TMPRSS9: variants seen among roughly 807,000 people sequenced by gnomAD.
TMPRSS9 encodes transmembrane protease serine 9.
TMPRSS9 carries 113 observed loss-of-function variants against 111.4 expected under a neutral mutation model. The ratio of observed to expected loss-of-function variants is 1.01; its 90% CI spans 0.87 to 1.19. The LOEUF (loss-of-function observed/expected upper bound fraction) is 1.19, where lower values mean the gene tolerates loss of function less well. TMPRSS9 is among the 50% of genes most tolerant of loss of function. The probability of loss-of-function intolerance (pLI) is 0.00; values close to 1 mark genes in which losing one functional copy is unlikely to be tolerated. For missense variants in TMPRSS9, 1,803 were observed against 1,513.1 expected (o/e 1.19, Z -3.18); for synonymous variants, 805 against 659.1 (o/e 1.22, Z -3.39).
chr19:2,421,716 G>C (rs1801811328), intron 13 of TMPRSS9, 138 bp from the exon 15 acceptor site: 6 of 831,374 alleles, frequency 7.2e-6, no homozygotes, highest in Admixed American at 2.9e-5. Context: ...GCTGCAGTCA[G>C]GTCTCCAGAC....
At chr19:2,404,003 AAAAAAAG>A (rs1274636056) in intron 6 of TMPRSS9, among the ~76,000 whole-genome samples, 1 of 150,656 alleles carries the variant, frequency 6.6e-6, no homozygotes, top group Non-Finnish European at 1.5e-5. Context: ...AAAAAAAAAA[AAAAAAAG>A]AAAAAAAAAT....
chr19:2,361,062 A>G (rs1231794462), intron 1 of TMPRSS9, among the ~76,000 whole-genome samples: 1 of 146,322 alleles, frequency 6.8e-6, no homozygotes, highest in Non-Finnish European at 1.5e-5. Flanking sequence ...CTTCACCTAA[A>G]GCAAGAACCA....
intron 1 of TMPRSS9, among the ~76,000 whole-genome samples, chr19:2,375,743 G>T (rs1323754458): frequency 6.6e-6 from 1 of 152,198 alleles, no homozygotes; most frequent in Non-Finnish European, 1.5e-5. Context: ...CACCAGGACA[G>T]CAGGGATGAG....
At chr19:2,406,563 G>C (rs1298072503) in intron 7 of TMPRSS9, among the ~76,000 whole-genome samples, 2 of 146,872 alleles carry the variant, frequency 1.4e-5, no homozygotes, top group African/African-American at 5.0e-5. Context: ...TCGAACTCCT[G>C]TCCTCAGGTG....
At chr19:2,388,822 C>T (rs1381526731), upstream of TMPRSS9, among the ~76,000 whole-genome samples, 1 of 151,826 alleles carries the variant, frequency 6.6e-6, no homozygotes, top group East Asian at 1.9e-4. Context: ...GGGGGTCTCA[C>T]TATATTGCCC....
chr19:2,379,673 C>CTTTCTTTCTT (rs1599278674), intron 1 of TMPRSS9, among the ~76,000 whole-genome samples: 2 of 146,050 alleles, frequency 1.4e-5, no homozygotes, highest in East Asian at 4.0e-4. Context: ...TTCTTTCTTT[C>CTTTCTTTCTT]TTTCTCTTTT....
intron 1 of TMPRSS9, among the ~76,000 whole-genome samples, chr19:2,368,399 C>A (rs906374055): frequency 2.6e-4 from 39 of 151,108 alleles, no homozygotes; most frequent in Non-Finnish European, 5.3e-4. Context: ...GGAGACACAG[C>A]CTGTGCCTTT....
chr19:2,366,781 C>G (rs530125109), intron 1 of TMPRSS9, among the ~76,000 whole-genome samples: 3 of 148,744 alleles, frequency 2.0e-5, no homozygotes, highest in African/African-American at 7.5e-5. Flanking sequence ...GGCGTGAACC[C>G]AGGAGGTGGA....
At chr19:2,396,452 C>T in intron 1 of TMPRSS9, 87 bp from the exon 3 acceptor site, 1 of 1,446,190 alleles carries the variant, frequency 6.9e-7, no homozygotes, top group Non-Finnish European at 9.2e-7. Flanking sequence ...TGTGTGAGTG[C>T]AAACAGGGCG....
chr19:2,416,307 C>A, intron 11 of TMPRSS9: 1 of 577,044 alleles, frequency 1.7e-6, no homozygotes, highest in South Asian at 2.5e-5. Context: ...GAAAATGAAG[C>A]CTGAGGGTCC....
chr19:2,403,721 C>T (rs1043757581), intron 6 of TMPRSS9, among the ~76,000 whole-genome samples: 38 of 151,302 alleles, frequency 2.5e-4, no homozygotes, highest in African/African-American at 7.3e-4. Context: ...TGGCCAGGCA[C>T]GGTGGCTCAC....
intron 1 of TMPRSS9, among the ~76,000 whole-genome samples, chr19:2,378,832 G>A (rs4417647): frequency 0.51 from 77,221 of 152,102 alleles, 21,768 homozygotes; most frequent in African/African-American, 0.75. Context: ...GCGGAAGGAG[G>A]AGCAAACATG....
At chr19:2,415,786 G>A (rs759685309) in exon 11 of TMPRSS9, 37 of 1,608,078 alleles carry the variant, frequency 2.3e-5, no homozygotes, top group Non-Finnish European at 2.5e-5. Context: ...GCACTTCTGC[G>A]GAGCAACTGT....
chr19:2,396,462 G>A (rs948381909), intron 1 of TMPRSS9, 77 bp from the exon 3 acceptor site: 25 of 1,480,898 alleles, frequency 1.7e-5, no homozygotes, highest in African/African-American at 2.8e-5. Context: ...CAAACAGGGC[G>A]GGGCCTGGGT....
At chr19:2,411,807 C>T (rs1316691324) in intron 9 of TMPRSS9, among the ~76,000 whole-genome samples, 2 of 152,190 alleles carry the variant, frequency 1.3e-5, no homozygotes, top group Non-Finnish European at 2.9e-5. Flanking sequence ...CCACCTTGTC[C>T]TCCCAAAGTG....
chr19:2,384,868 G>T (rs1022154189), upstream of TMPRSS9, among the ~76,000 whole-genome samples: 7 of 148,696 alleles, frequency 4.7e-5, no homozygotes, highest in Non-Finnish European at 7.4e-5. Flanking sequence ...TGTAATCCCA[G>T]CTACTCGGGA....
At chr19:2,370,420 CAAAAA>C (rs1307653420) in intron 1 of TMPRSS9, among the ~76,000 whole-genome samples, 1 of 71,026 alleles carries the variant, frequency 1.4e-5, no homozygotes, top group Non-Finnish European at 3.3e-5. Context: ...GACTCTGTCT[CAAAAA>C]AAAAAAAAAA....
chr19:2,423,092 T>C lies in TMPRSS9; in HGVS notation c.2548+845T>C, dbSNP rs973151189. 3.3e-5 allele frequency among the ~76,000 whole-genome samples: 5 copies of C among 151,716 alleles called. No homozygotes were observed. The South Asian group carries it at 1.0e-3, about 32-fold the overall frequency. ...AAAAAAAAAAATGAAAGCAGGGACT[T>C]TGATGGTTCACAGCTGTGCCATGTC... is the stretch of plus-strand genomic sequence containing the variant. On this transcript the variant is annotated intron_variant, in intron 14 of 17. Transcript: ENST00000648592.
chr19:2,415,563 G>T lies in TMPRSS9; in HGVS notation c.1574-107G>T, dbSNP rs1221130976. On this transcript the variant is annotated intron_variant, in intron 10 of 17. Coordinates refer to ENST00000648592, the Ensembl canonical transcript of TMPRSS9. ...TCTTGTGTGGAACGGGAGGGATTGC[G>T]GCATCTTCAGGGCCTGGCTGCAACC... is the stretch of plus-strand genomic sequence containing the variant. 3 of 1,060,992 alleles carry T rather than the reference G, an allele frequency of 2.8e-6. No homozygotes were observed. The African/African-American group carries it at 4.9e-5, about 17-fold the overall frequency. 65.7% of individuals were successfully genotyped at this position (1,060,992 alleles called of 1,614,324 possible).
Sources: gnomAD v4.1 joint callset for allele counts (sites outside exome capture counted in the v4.1 genomes callset) on GRCh38, gnomAD v4.1.1 for gene constraint, MANE v1.5 for transcripts, NCBI Gene and HGNC (gene_info 2026-07-23, HGNC 2026-07-21) for gene names.